Variants in ZNF558 observed in about 807,000 individuals in gnomAD.
The protein encoded by ZNF558 is zinc finger protein 558.
ZNF558 carries 23 observed loss-of-function variants against 37.6 expected under a neutral mutation model. That is an observed-to-expected ratio of 0.61 (90% CI 0.44 to 0.87). The LOEUF (loss-of-function observed/expected upper bound fraction) is 0.87. ZNF558 is among the 40% of genes least tolerant of loss of function. ZNF558 has a pLI of 0.00. For synonymous variants in ZNF558, 189 were observed against 174.4 expected, an observed-to-expected ratio of 1.08 and a Z score of -0.66; for missense variants, 429 against 483.7, an observed-to-expected ratio of 0.89 and a Z score of 1.06.
chr19:8,824,981 A>C (rs2044198347), intron 3 of ZNF558, 21 bp downstream of exon 3: 3 of 152,210 alleles, frequency 2.0e-5, no homozygotes, highest in Admixed American at 2.0e-4. Flanking sequence ...CCTTGATGGA[A>C]TCGACAATGA....
intron 7 of ZNF558, among the ~76,000 whole-genome samples, chr19:8,813,428 G>A (rs972709703): frequency 9.2e-5 from 14 of 152,014 alleles, no homozygotes; most frequent in African/African-American, 2.9e-4. Flanking sequence ...GCATGATCTC[G>A]GCTCACTGCA....
chr19:8,811,130 G>C lies in ZNF558; in HGVS notation c.*151C>G, dbSNP rs530326604. The C allele has an allele frequency of 7.4e-6, 5 of 677,622 alleles. No homozygotes were observed. The highest frequency in any genetic ancestry group is 9.6e-6 in the Non-Finnish European group (4 of 414,782). The allele number at this position is 677,622 out of a possible 1,614,324, so 42.0% of individuals were successfully genotyped here. ...TTCCTGATCTGTAGAAATTGTTAGA[G>C]AATAAACATTTCGTGTTTGAAGCCA... On this transcript the variant is annotated 3_prime_UTR_variant, in exon 10 of 10. Transcript: ENST00000601372.
the ZNF558 span, among the ~76,000 whole-genome samples, chr19:8,837,332 A>G: frequency 6.6e-6 from 1 of 152,344 alleles, no homozygotes; most frequent in African/African-American, 2.4e-5. Context: ...CAAAATAAGT[A>G]CTGGTGTAGC....
At chr19:8,831,059 T>C (rs1019702119) in intron 2 of ZNF558, 4 of 152,228 alleles carry the variant, frequency 2.6e-5, no homozygotes, top group African/African-American at 9.7e-5. Context: ...AGAAAATCTG[T>C]CTTTAGCTAC....
chr19:8,809,941 G>C lies in ZNF558; in HGVS notation c.*1340C>G, dbSNP rs1555767134. 6.6e-6 allele frequency: 1 copy of C among 152,026 alleles called. No homozygotes were observed. Among genetic ancestry groups the C allele is most frequent in the East Asian group, 1.9e-4 (1 of 5,172 alleles). 9.4% of individuals were successfully genotyped at this position (152,026 alleles called of 1,614,324 possible). ...ATCCTAACACTGATTACATTCCTAG[G>C]GGTTTCTCCATATAAGTTCTCTCAT... On this transcript the variant is annotated 3_prime_UTR_variant, in exon 10 of 10. Transcript: ENST00000601372.
Position 8,827,565 on chromosome 19 carries a change from C to T in ZNF558, c.-508-2457G>A, listed in dbSNP as rs1452982769. ...TCTTGGTCTTGGTCACACTTCTTTCCCTATTCTTTTTTTTTTTTTTTTTTT... is the reference window on the plus strand; with the variant it reads ...TCTTGGTCTTGGTCACACTTCTTTCTCTATTCTTTTTTTTTTTTTTTTTTT... On this transcript the variant is annotated intron_variant, in intron 2 of 9. Transcript: ENST00000601372. Among the ~76,000 whole-genome samples the T allele has an allele frequency of 2.0e-5, 3 of 146,768 alleles. No homozygotes were observed. The East Asian group carries it at 6.1e-4, about 30-fold the overall frequency.
chr19:8,823,846 C>T (rs12976402), intron 4 of ZNF558: 20,677 of 151,976 alleles, frequency 0.14, 1,816 homozygotes, highest in East Asian at 0.25. Context: ...AAGGCTGTGA[C>T]GTTGCCACTC....
At chr19:8,823,027 CTCCCTCCTT>C in intron 4 of ZNF558, 1 of 269,474 alleles carries the variant, frequency 3.7e-6, no homozygotes, top group South Asian at 5.0e-5. Flanking sequence ...TTCCCGGCTA[CTCCCTCCTT>C]CCCCGGGGAC....
chr19:8,816,694 G>C (rs2910345), intron 7 of ZNF558, among the ~76,000 whole-genome samples: 102,319 of 152,082 alleles, frequency 0.67, 34,585 homozygotes, highest in South Asian at 0.8. Context: ...ATAATGGAGA[G>C]TAACTTGAAT....
Position 8,809,509 on chromosome 19 carries a change from T to A in ZNF558, c.*1772A>T, listed in dbSNP as rs1331205595. 2 of 152,156 alleles carry A rather than the reference T, an allele frequency of 1.3e-5. No individual in the cohort carries two copies. The highest frequency in any genetic ancestry group is 1.5e-5 in the Non-Finnish European group (1 of 68,026). 9.4% of individuals were successfully genotyped at this position (152,156 alleles called of 1,614,324 possible). ...ACCAACAGTATTTGGCATACCAAGATAGAGAGAAAATAATCAGTATCATAA... is the reference window on the plus strand; with the variant it reads ...ACCAACAGTATTTGGCATACCAAGAAAGAGAGAAAATAATCAGTATCATAA... On this transcript the variant is annotated 3_prime_UTR_variant, in exon 10 of 10. Transcript: ENST00000601372.
At chr19:8,812,520 T>G (rs2043820245) in intron 9 of ZNF558, 41 bp downstream of exon 9, 2 of 1,389,948 alleles carry the variant, frequency 1.4e-6, no homozygotes, top group Non-Finnish European at 1.9e-6. Context: ...TAAGGCATTC[T>G]CCTACTGTAG....
At chr19:8,823,159 C>T (rs2044136766) in intron 4 of ZNF558, among the ~76,000 whole-genome samples, 1 of 152,084 alleles carries the variant, frequency 6.6e-6, no homozygotes, top group Non-Finnish European at 1.5e-5. Flanking sequence ...CTTCTCTCAT[C>T]AGCCACATGT....
In ZNF558 at chr19:8,825,067, T is replaced by G. The variant is rs192946717; in HGVS notation, c.-467A>C. The stretch of plus-strand genomic sequence containing the variant: ...ATCTGGCAGGTCAACAGAGACACAG[T>G]GGCCCACACTCTTCATTCTCACACA... On this transcript the variant is annotated 5_prime_UTR_variant, in exon 3 of 10. Coordinates refer to ENST00000601372, the MANE Select transcript of ZNF558 (RefSeq NM_144693.3). The G allele has an allele frequency of 6.6e-6, 1 of 152,358 alleles. No homozygotes were observed. Among genetic ancestry groups the G allele is most frequent in the East Asian group, 1.9e-4 (1 of 5,180 alleles). The allele number at this position is 152,358 out of a possible 1,614,324, so 9.4% of individuals were successfully genotyped here.
chr19:8,827,489 C>G (rs536613677), intron 2 of ZNF558, among the ~76,000 whole-genome samples: 27 of 151,904 alleles, frequency 1.8e-4, no homozygotes, highest in African/African-American at 6.3e-4. Flanking sequence ...TCCCACTGGC[C>G]TGAGAACAGA....
At chr19:8,821,712 G>A (rs2967727) in intron 6 of ZNF558, 370,235 of 1,295,386 alleles carry the variant, frequency 0.29, 54,520 homozygotes, top group East Asian at 0.35. Flanking sequence ...TTTCCGTGGC[G>A]TTTATTAATT....
Position 8,822,985 on chromosome 19 carries a change from T to A in ZNF558, c.-65-261A>T. The A allele has an allele frequency of 2.7e-6, 1 of 369,060 alleles. No homozygotes were observed. The highest frequency in any genetic ancestry group is 5.2e-6 in the Non-Finnish European group (1 of 193,512). The allele number at this position is 369,060 out of a possible 1,614,324, so 22.9% of individuals were successfully genotyped here. ...CTCGGCTTCACGCAGTCTCACGGCA[T>A]GTTCTTCCCATCCAAGCGCACCACA... On this transcript the variant is annotated intron_variant, in intron 4 of 9. Coordinates refer to ENST00000601372, the MANE Select transcript of ZNF558 (RefSeq NM_144693.3). The surrounding 1 kb of genome is among the most constrained non-coding windows in gnomAD (Gnocchi z 4.4).
At chr19:8,817,126 A>G (rs2043958698) in intron 7 of ZNF558, among the ~76,000 whole-genome samples, 1 of 152,250 alleles carries the variant, frequency 6.6e-6, no homozygotes, top group African/African-American at 2.4e-5. Flanking sequence ...GACACGTAGA[A>G]AAAAGTAAAT....
At chr19:8,825,889 G>A (rs1378932444) in intron 2 of ZNF558, among the ~76,000 whole-genome samples, 1 of 152,188 alleles carries the variant, frequency 6.6e-6, no homozygotes, top group African/African-American at 2.4e-5. Context: ...TTCTGCAGCT[G>A]TGAGGAAGGC....
chr19:8,809,532 T>C lies in ZNF558; in HGVS notation c.*1749A>G, dbSNP rs2043735169. 1.3e-5 allele frequency: 2 copies of C among 152,164 alleles called. No individual in the cohort carries two copies. Among genetic ancestry groups the C allele is most frequent in the Admixed American group, 1.3e-4 (2 of 15,270 alleles). 9.4% of individuals were successfully genotyped at this position (152,164 alleles called of 1,614,324 possible). A position where few individuals can be genotyped will look rare whatever the true frequency, so the allele number is the denominator to read the frequency against. On this transcript the variant is annotated 3_prime_UTR_variant, in exon 10 of 10. Transcript: ENST00000601372. ...GATAGAGAGAAAATAATCAGTATCA[T>C]AAAGCTCATGTACTCTGCCAAAAAT...
Sources: allele counts gnomAD v4.1 joint callset (sites outside exome capture counted in the v4.1 genomes callset), GRCh38; gene constraint gnomAD v4.1.1; non-coding constraint Gnocchi (gnomAD v3.1); transcripts MANE v1.5; gene names NCBI Gene and HGNC (gene_info 2026-07-23, HGNC 2026-07-21).